The following ARHGAP32 variants were observed in gnomAD, a reference collection of about 807,000 sequenced individuals.
ARHGAP32 encodes the protein rho GTPase-activating protein 32.
A neutral mutation model predicts 186.5 loss-of-function variants in ARHGAP32; 51 were observed. That is an observed-to-expected ratio of 0.27 (90% confidence interval 0.22 to 0.35). The LOEUF (loss-of-function observed/expected upper bound fraction) is 0.35, where lower values mean the gene tolerates loss of function less well. Among genes scored for constraint, ARHGAP32 ranks in the 10% least tolerant of loss-of-function variants. The pLI, the probability that ARHGAP32 is intolerant of heterozygous loss-of-function variation, is 1.00. For synonymous variants in ARHGAP32, 950 were observed against 964.3 expected, an observed-to-expected ratio of 0.99 and a Z score of 0.27; for missense variants, 2,186 against 2,623.5, an observed-to-expected ratio of 0.83 and a Z score of 3.64.
intron 6 of ARHGAP32, among the ~76,000 whole-genome samples, chr11:129,069,625 C>T (rs1007992245): frequency 6.6e-6 from 1 of 152,006 alleles, no homozygotes. Context: ...TCAGCTTCAG[C>T]TTTGGAGAAT....
chr11:128,983,050 T>C (rs1945756549), intron 15 of ARHGAP32, among the ~76,000 whole-genome samples: 2 of 152,090 alleles, frequency 1.3e-5, no homozygotes. Context: ...AGGAATATCA[T>C]AGTTAGACTC....
At chr11:129,166,033 C>T (rs1264751958) in intron 1 of ARHGAP32, among the ~76,000 whole-genome samples, 1 of 151,828 alleles carries the variant, frequency 6.6e-6, no homozygotes, top group Non-Finnish European at 1.5e-5. Context: ...TGAATTTCAA[C>T]AGAGAATTGG....
At chr11:129,059,552 T>C (rs1337344103) in intron 10 of ARHGAP32, among the ~76,000 whole-genome samples, 1 of 143,066 alleles carries the variant, frequency 7.0e-6, no homozygotes, top group Non-Finnish European at 1.5e-5. Context: ...CAAGCTGGAG[T>C]GCAGTGGCAT....
At chr11:129,126,480 G>C (rs979830094) in intron 2 of ARHGAP32, among the ~76,000 whole-genome samples, 1 of 152,130 alleles carries the variant, frequency 6.6e-6, no homozygotes, top group Admixed American at 6.5e-5. Context: ...CATCTTTCTA[G>C]TCTGCATTTC....
At chr11:129,234,422 A>T (rs1944899501) in intron 1 of ARHGAP32, among the ~76,000 whole-genome samples, 1 of 152,102 alleles carries the variant, frequency 6.6e-6, no homozygotes, top group African/African-American at 2.4e-5. Context: ...TTTTCCTTAA[A>T]ATATATATCC....
At chr11:129,010,559 T>C (rs933388409) in intron 11 of ARHGAP32, among the ~76,000 whole-genome samples, 5 of 152,200 alleles carry the variant, frequency 3.3e-5, no homozygotes, top group Non-Finnish European at 5.9e-5. Flanking sequence ...ATACCTTCCC[T>C]GTTGCTTGTT....
upstream of ARHGAP32, among the ~76,000 whole-genome samples, chr11:129,196,785 C>T (rs1260373873): frequency 1.3e-5 from 2 of 152,160 alleles, no homozygotes; most frequent in Non-Finnish European, 2.9e-5. Context: ...AGGCCAGGAT[C>T]AGTAGCTGAT....
At chr11:129,270,688 ACCTTTAGCTCG>A (rs767037006) in intron 1 of ARHGAP32, among the ~76,000 whole-genome samples, 15 of 151,966 alleles carry the variant, frequency 9.9e-5, no homozygotes, top group Non-Finnish European at 1.6e-4. Context: ...AAACTTCTGC[ACCTTTAGCTCG>A]GTTTTGCTGT....
intron 1 of ARHGAP32, among the ~76,000 whole-genome samples, chr11:129,222,695 T>C (rs138186143): frequency 6.6e-6 from 1 of 152,200 alleles, no homozygotes; most frequent in Non-Finnish European, 1.5e-5. Context: ...ACTCTTTAAG[T>C]GCAACCTCTC....
intron 1 of ARHGAP32, among the ~76,000 whole-genome samples, chr11:129,227,849 A>G (rs917776294): frequency 6.6e-6 from 1 of 152,112 alleles, no homozygotes; most frequent in East Asian, 1.9e-4. Flanking sequence ...GTCAACAAGG[A>G]ATAGAGACCT....
At chr11:129,262,502 G>A (rs1945337024) in intron 1 of ARHGAP32, among the ~76,000 whole-genome samples, 1 of 151,808 alleles carries the variant, frequency 6.6e-6, no homozygotes, top group South Asian at 2.1e-4. Flanking sequence ...TTATGTCTCA[G>A]CCTCCCTAGT....
At chr11:129,146,095 A>G (rs745393353) in intron 2 of ARHGAP32, among the ~76,000 whole-genome samples, 3 of 152,186 alleles carry the variant, frequency 2.0e-5, no homozygotes, top group African/African-American at 7.2e-5. Flanking sequence ...CTGAATTAAA[A>G]TTCACTCATA....
intron 6 of ARHGAP32, among the ~76,000 whole-genome samples, chr11:129,078,616 C>A (rs2135209296): frequency 6.6e-6 from 1 of 152,220 alleles, no homozygotes; most frequent in African/African-American, 2.4e-5. Flanking sequence ...CCTCAGCCTC[C>A]CGAGTAGCTG....
At chr11:129,139,844 G>A (rs1240512668) in intron 2 of ARHGAP32, among the ~76,000 whole-genome samples, 1 of 152,034 alleles carries the variant, frequency 6.6e-6, no homozygotes, top group Admixed American at 6.6e-5. Context: ...ATGTTATCAC[G>A]TTAAATATAT....
intron 1 of ARHGAP32, among the ~76,000 whole-genome samples, chr11:129,278,723 C>G (rs1461592299): frequency 4.0e-5 from 6 of 151,832 alleles, no homozygotes; most frequent in African/African-American, 1.4e-4. Flanking sequence ...GGGGGCGGGA[C>G]CCGCGATGTC....
intron 1 of ARHGAP32, among the ~76,000 whole-genome samples, chr11:129,251,920 C>A (rs1175106114): frequency 7.6e-6 from 1 of 130,834 alleles, no homozygotes; most frequent in Non-Finnish European, 1.6e-5. Context: ...AGTGACAGAG[C>A]TAGACTTCAT....
At chr11:129,277,441 T>G (rs1196773606) in intron 1 of ARHGAP32, among the ~76,000 whole-genome samples, 1 of 152,196 alleles carries the variant, frequency 6.6e-6, no homozygotes, top group East Asian at 1.9e-4. Flanking sequence ...AACAAAACAG[T>G]TACATAACTG....
At chr11:129,230,888 A>C (rs1431174086) in intron 1 of ARHGAP32, among the ~76,000 whole-genome samples, 1 of 152,152 alleles carries the variant, frequency 6.6e-6, no homozygotes, top group South Asian at 2.1e-4. Context: ...TCATCTCATC[A>C]CTTTGGGAGG....
intron 2 of ARHGAP32, among the ~76,000 whole-genome samples, chr11:129,159,019 G>C (rs1161420074): frequency 6.6e-6 from 1 of 152,146 alleles, no homozygotes; most frequent in African/African-American, 2.4e-5. Flanking sequence ...TGAGAACAAA[G>C]ACACAACATA....
Sources: gnomAD v4.1 joint callset for allele counts (sites outside exome capture counted in the v4.1 genomes callset) on GRCh38, gnomAD v4.1.1 for gene constraint, MANE v1.5 for transcripts, NCBI Gene and HGNC (gene_info 2026-07-23, HGNC 2026-07-21) for gene names.